MCAT: variants seen among roughly 807,000 people sequenced by gnomAD.
The protein encoded by MCAT is malonyl-CoA-acyl carrier protein transacylase, mitochondrial.
In MCAT, 22 loss-of-function variants were observed where a neutral mutation model predicts 22.9. The observed-to-expected ratio is 0.96, with a 90% CI of 0.69 to 1.37. MCAT has a LOEUF of 1.37. Among genes scored for constraint, MCAT ranks in the 40% most tolerant of loss-of-function variants. The pLI is 0.00. For synonymous variants in MCAT, 240 were observed against 233.9 expected, an observed-to-expected ratio of 1.03 and a Z score of -0.24; for missense variants, 534 against 533.6, an observed-to-expected ratio of 1.00 and a Z score of -0.01.
intron 3 of MCAT, among the ~76,000 whole-genome samples, chr22:43,136,347 C>T (rs1930610322): frequency 6.6e-6 from 1 of 152,392 alleles, no homozygotes; most frequent in African/African-American, 2.4e-5. Flanking sequence ...AGCAGCCCCT[C>T]ACACGGGCTG....
At position 43,132,693 on chromosome 22, in the gene MCAT, G is replaced by C. The variant is rs2147030509; in HGVS notation, c.*350C>G. Reference sequence around the variant, plus strand: ...CACCAGCATGTTCTCAGCACTCACAGAGCAGGACAGGCTGCAGCAGCCAGT... The same window carrying C: ...CACCAGCATGTTCTCAGCACTCACACAGCAGGACAGGCTGCAGCAGCCAGT... On this transcript the variant is annotated 3_prime_UTR_variant, in exon 4 of 4. Transcript: ENST00000290429. The C allele has an allele frequency of 3.6e-6, 1 of 279,186 alleles. No homozygotes were observed. The highest frequency in any genetic ancestry group is 6.9e-6 in the Non-Finnish European group (1 of 145,142). The allele number at this position is 279,186 out of a possible 1,614,324, so 17.3% of individuals were successfully genotyped here.
In MCAT at chr22:43,137,354, G is replaced by A. The variant is rs2072852; in HGVS notation, c.512-56C>T. 125 of 1,452,614 alleles carry A rather than the reference G, an allele frequency of 8.6e-5. No homozygotes were observed. In the African/African-American group the frequency reaches 1.6e-3, roughly 19 times the overall value. 90.0% of individuals were successfully genotyped at this position (1,452,614 alleles called of 1,614,324 possible). A position where few individuals can be genotyped will look rare whatever the true frequency, so the allele number is the denominator to read the frequency against. On this transcript the variant is annotated intron_variant, in intron 2 of 3. Coordinates refer to ENST00000290429, the MANE Select transcript of MCAT (RefSeq NM_173467.5). ...GAGGGCACAGAATGAAGGAGAAAAG[G>A]CCAGGCCTGAGAAACAAAGCCCAAG...
chr22:43,134,882 C>T lies in MCAT; in HGVS notation c.730-1396G>A, dbSNP rs145947578. On this transcript the variant is annotated intron_variant, in intron 3 of 3. Transcript: ENST00000290429. Reference sequence around the variant, plus strand: ...TCTGGAGCCCAAGCCCCTCCCTCCACACCTAGATTGTCTGAGTGACTGGCA... The same window carrying T: ...TCTGGAGCCCAAGCCCCTCCCTCCATACCTAGATTGTCTGAGTGACTGGCA... 3.7e-3 allele frequency among the ~76,000 whole-genome samples: 566 copies of T among 152,356 alleles called. 5 individuals are homozygous for T. The highest frequency in any genetic ancestry group is 3.4e-3 in the Non-Finnish European group (228 of 68,038).
intron 3 of MCAT, among the ~76,000 whole-genome samples, chr22:43,134,278 C>CA (rs750376512): frequency 1.3e-5 from 2 of 152,284 alleles, no homozygotes; most frequent in Non-Finnish European, 1.5e-5. Context: ...CATTTGAGCT[C>CA]AGAAGGGGCC....
rs146709434 is a variant in MCAT, at chr22:43,137,124, T to C, written c.686A>G (p.Asn229Ser). The C allele has an allele frequency of 3.5e-4, 559 of 1,614,044 alleles. 1 individual carries two copies. Among genetic ancestry groups the C allele is most frequent in the Non-Finnish European group, 3.1e-5 (37 of 1,180,040 alleles). Residue 229 changes from asparagine to serine, a missense_variant, in exon 3 of 4, where the codon AAC becomes AGC. Transcript: ENST00000290429. ...CACCCTGCAATCTGGAAAGAGGTAG[T>C]TGGACACTTCACATACGGGGTTCTC... Reference protein sequence around the residue: ...GIENPVCEVSNYLFPDCRVIS... With the variant: ...GIENPVCEVSSYLFPDCRVIS...
At chr22:43,142,315 G>A (rs2147038510) in intron 1 of MCAT, among the ~76,000 whole-genome samples, 1 of 151,256 alleles carries the variant, frequency 6.6e-6, no homozygotes, top group Non-Finnish European at 1.5e-5. Context: ...AACCTGGGAG[G>A]ATTTAAGTAA....
chr22:43,143,290 C>G lies in MCAT; in HGVS notation c.59G>C (p.Arg20Pro). ...AGGCACCGGGAAGCTCGAGGCGCCGCGGCGGTAGCTGGCGCCCAAGCCCCT... is the reference window on the plus strand; with the variant it reads ...AGGCACCGGGAAGCTCGAGGCGCCGGGGCGGTAGCTGGCGCCCAAGCCCCT... ...WVRGLGASYR[R>P]GASSFPVPPP... is the part of the protein sequence containing the mutation. Residue 20 changes from arginine (R) to proline (P), a missense_variant, in exon 1 of 4, where the codon CGC becomes CCC. Coordinates refer to ENST00000290429, the MANE Select transcript of MCAT (RefSeq NM_173467.5). 1 of 1,430,756 alleles carries G rather than the reference C, an allele frequency of 7.0e-7. No individual in the cohort carries two copies. The highest frequency in any genetic ancestry group is 3.1e-5 in the Admixed American group (1 of 32,366). 88.6% of individuals were successfully genotyped at this position (1,430,756 alleles called of 1,614,324 possible). A position where few individuals can be genotyped will look rare whatever the true frequency, so the allele number is the denominator to read the frequency against.
intron 2 of MCAT, 77 bp from the exon 3 acceptor site, chr22:43,137,375 C>T (rs1389108982): frequency 7.5e-6 from 9 of 1,203,118 alleles, no homozygotes; most frequent in Non-Finnish European, 9.5e-6. Context: ...GAAACAAAGC[C>T]CAAGCTCCAC....
At chr22:43,135,505 AAAAAC>A (rs1028594864) in intron 3 of MCAT, among the ~76,000 whole-genome samples, 12 of 109,644 alleles carry the variant, frequency 1.1e-4, no homozygotes, top group African/African-American at 2.7e-4. Flanking sequence ...CATTGTCTCA[AAAAAC>A]AAAAAAAAAA....
At position 43,141,178 on chromosome 22, in the gene MCAT, G is replaced by C; in HGVS notation, c.495C>G (p.Ala165=). The C allele has an allele frequency of 6.2e-7, 1 of 1,614,040 alleles. No individual in the cohort carries two copies. The highest frequency in any genetic ancestry group is 8.5e-7 in the Non-Finnish European group (1 of 1,180,008). ...GEFAALVFAG[A]MEFAEGLYAV... ...TTCCTGTACCTTCAGCAAATTCCAT[G>C]GCTCCGGCAAACACTAGGGCTGCAA... is the stretch of plus-strand genomic sequence containing the variant. Residue 165 remains alanine (A), a synonymous_variant, in exon 2 of 4, where the codon GCC becomes GCG. Coordinates refer to ENST00000290429, the MANE Select transcript of MCAT (RefSeq NM_173467.5).
At chr22:43,136,558 A>C (rs928940802) in intron 3 of MCAT, among the ~76,000 whole-genome samples, 17 of 152,240 alleles carry the variant, frequency 1.1e-4, no homozygotes, top group Non-Finnish European at 2.1e-4. Flanking sequence ...GGAGTCATCC[A>C]TTCACGGGGC....
intron 1 of MCAT, 37 bp from the exon 2 acceptor site, chr22:43,141,286 C>A: frequency 6.4e-7 from 1 of 1,556,294 alleles, no homozygotes; most frequent in Non-Finnish European, 8.9e-7. Flanking sequence ...CCCTCACTCT[C>A]CTGGGGATCC....
rs188273540 is a variant in MCAT at position 43,140,529 on chromosome 22, G to C, written c.511+633C>G. Among the ~76,000 whole-genome samples the C allele has an allele frequency of 7.6e-3, 1,155 of 152,144 alleles. 12 individuals are homozygous for C. The highest frequency in any genetic ancestry group is 0.025 in the African/African-American group (1,055 of 41,512). ...ATGCCTGGCTAATTTTTGTATTTTC[G>C]GTAGAGATGGGGTTTTCACCATGTT... On this transcript the variant is annotated intron_variant, in intron 2 of 3. Coordinates refer to ENST00000290429, the MANE Select transcript of MCAT (RefSeq NM_173467.5).
At chr22:43,139,179 G>T (rs1930701397) in intron 2 of MCAT, among the ~76,000 whole-genome samples, 1 of 152,112 alleles carries the variant, frequency 6.6e-6, no homozygotes, top group African/African-American at 2.4e-5. Context: ...AGGGAGGAGA[G>T]CACGCAGACA....
intron 2 of MCAT, among the ~76,000 whole-genome samples, chr22:43,138,922 G>C (rs1400200920): frequency 3.3e-5 from 5 of 152,182 alleles, no homozygotes; most frequent in Admixed American, 6.5e-5. Flanking sequence ...CATTCACTTA[G>C]CACTTCTATG....
chr22:43,141,236 C>G lies in MCAT; in HGVS notation c.437G>C (p.Cys146Ser), dbSNP rs776023050. ...HHLQPSVIEN[C>S]VAAAGFSVGE... ...CACACTGAATCCAGCAGCAGCAACA[C>G]AGTTCTCAATCACCTGTGGGGACAG... Residue 146 changes from cysteine to serine, a missense_variant, in exon 2 of 4, where the codon TGT (cysteine) becomes TCT (serine). Transcript: ENST00000290429. The G allele has an allele frequency of 6.2e-7, 1 of 1,613,978 alleles. No individual in the cohort carries two copies. The highest frequency in any genetic ancestry group is 1.7e-5 in the Admixed American group (1 of 60,008).
intron 2 of MCAT, among the ~76,000 whole-genome samples, chr22:43,137,544 T>C (rs1265616527): frequency 6.6e-6 from 1 of 152,104 alleles, no homozygotes. Flanking sequence ...TAAAGCTGGT[T>C]TGGAGTAGGA....
chr22:43,137,084 T>G lies in MCAT; in HGVS notation c.726A>C (p.Gln242His), dbSNP rs761496186. 1 of 1,613,982 alleles carries G rather than the reference T, an allele frequency of 6.2e-7. No homozygotes were observed. Among genetic ancestry groups the G allele is most frequent in the South Asian group, 1.1e-5 (1 of 91,090 alleles). ...FPDCRVISGH[Q>H]EALRFLQKNS... ...GGCAGTTCCCATCAACACCCACCTC[T>G]TGGTGTCCTGAAATCACCCTGCAAT... is the stretch of plus-strand genomic sequence containing the variant. The change falls in exon 3 of 4, where the codon CAA (glutamine) becomes CAC (histidine). Residue 242 changes from glutamine (Q) to histidine (H), a missense_variant. Gln to His is a conservative substitution (Grantham distance 24, BLOSUM62 0). Transcript: ENST00000290429.
intron 3 of MCAT, among the ~76,000 whole-genome samples, chr22:43,134,074 G>A (rs1930535982): frequency 6.6e-6 from 1 of 152,168 alleles, no homozygotes; most frequent in South Asian, 2.1e-4. Context: ...ATCTCAATGA[G>A]AATTCTATCA....
Sources: gnomAD v4.1 joint callset for allele counts (sites outside exome capture counted in the v4.1 genomes callset) on GRCh38, gnomAD v4.1.1 for gene constraint, MANE v1.5 for transcripts, NCBI Gene and HGNC (gene_info 2026-07-23, HGNC 2026-07-21) for gene names.